The following XRCC4 variants were observed in gnomAD, a reference collection of about 807,000 sequenced individuals.
XRCC4 encodes the protein X-ray repair cross complementing 4.
XRCC4 carries 28 observed loss-of-function variants against 39.1 expected under a neutral mutation model. The ratio of observed to expected loss-of-function variants is 0.72; its 90% CI spans 0.53 to 0.98. The LOEUF (loss-of-function observed/expected upper bound fraction) is 0.98. Among genes scored for constraint, XRCC4 ranks in the 50% least tolerant of loss-of-function variants. The probability of loss-of-function intolerance (pLI) is 0.00; values close to 1 mark genes in which losing one functional copy is unlikely to be tolerated. For synonymous variants in XRCC4, 123 were observed against 126.4 expected (o/e 0.97, Z 0.18); for missense variants, 350 against 376.4 (o/e 0.93, Z 0.58).
intron 6 of XRCC4, among the ~76,000 whole-genome samples, chr5:83,220,477 G>A (rs1439043520): frequency 6.6e-6 from 1 of 152,118 alleles, no homozygotes; most frequent in Non-Finnish European, 1.5e-5. Context: ...CAATGATGAG[G>A]TTCTGGAATG....
chr5:83,123,467 T>C (rs1747108929), intron 3 of XRCC4, among the ~76,000 whole-genome samples: 1 of 152,010 alleles, frequency 6.6e-6, no homozygotes, highest in African/African-American at 2.4e-5. Context: ...TGGGTGTTGT[T>C]TTTTTAATCC....
At chr5:83,083,050 G>C (rs938496259) in intron 1 of XRCC4, among the ~76,000 whole-genome samples, 2 of 152,026 alleles carry the variant, frequency 1.3e-5, no homozygotes, top group Non-Finnish European at 2.9e-5. Context: ...TTGTTCAAAT[G>C]TCACCTTTGC....
chr5:83,216,786 C>T (rs920540840), intron 6 of XRCC4, among the ~76,000 whole-genome samples: 1 of 151,866 alleles, frequency 6.6e-6, no homozygotes, highest in African/African-American at 2.4e-5. Flanking sequence ...TACTGAAAAC[C>T]GATTAAATGT....
intron 3 of XRCC4, among the ~76,000 whole-genome samples, chr5:83,169,290 T>G (rs1749621999): frequency 6.6e-6 from 1 of 152,206 alleles, no homozygotes; most frequent in Non-Finnish European, 1.5e-5. Flanking sequence ...TCTTACTAAA[T>G]TTAAAGGAAG....
At chr5:83,173,127 C>A (rs1004725986) in intron 3 of XRCC4, among the ~76,000 whole-genome samples, 1 of 152,110 alleles carries the variant, frequency 6.6e-6, no homozygotes, top group African/African-American at 2.4e-5. Flanking sequence ...CTTTCTCTTG[C>A]ATTACCTAGA....
intron 7 of XRCC4, among the ~76,000 whole-genome samples, chr5:83,274,558 A>G (rs1178248148): frequency 6.6e-6 from 1 of 152,214 alleles, no homozygotes; most frequent in Non-Finnish European, 1.5e-5. Flanking sequence ...ATAAACATGG[A>G]CACATTGTAA....
chr5:83,370,483 C>G, the XRCC4 span, among the ~76,000 whole-genome samples: 1 of 152,164 alleles, frequency 6.6e-6, no homozygotes, highest in African/African-American at 2.4e-5. Flanking sequence ...TTACTTATCT[C>G]TGAAAGACAC....
chr5:83,164,336 T>C lies in XRCC4; in HGVS notation c.316-31434T>C, dbSNP rs1749357382. On this transcript the variant is annotated intron_variant, in intron 3 of 7. Transcript: ENST00000396027. The stretch of plus-strand genomic sequence containing the variant: ...TTGTTATGCATCTTTTAAATAATAA[T>C]ATTTTCAATAAATCATTCCTTATAA... Among the ~76,000 whole-genome samples, 5 of 152,166 alleles carry C rather than the reference T, an allele frequency of 3.3e-5. No homozygotes were observed. In the South Asian group the frequency reaches 1.0e-3, roughly 31 times the overall value.
intron 3 of XRCC4, among the ~76,000 whole-genome samples, chr5:83,137,200 C>A (rs1019886350): frequency 6.6e-6 from 1 of 151,996 alleles, no homozygotes; most frequent in Non-Finnish European, 1.5e-5. Context: ...GATGATGGCA[C>A]GTAATTATAT....
chr5:83,109,550 C>CCA (rs546389660), intron 2 of XRCC4, among the ~76,000 whole-genome samples: 25 of 151,890 alleles, frequency 1.6e-4, no homozygotes, highest in Non-Finnish European at 3.1e-4. Context: ...AACCATCCAA[C>CCA]CACACACACA....
At chr5:83,313,615 C>T (rs949958538) in intron 7 of XRCC4, among the ~76,000 whole-genome samples, 1 of 152,088 alleles carries the variant, frequency 6.6e-6, no homozygotes, top group Admixed American at 6.5e-5. Context: ...AACACTAACT[C>T]TGCTCCAGCC....
intron 3 of XRCC4, among the ~76,000 whole-genome samples, chr5:83,137,377 C>T (rs1163488978): frequency 6.6e-6 from 1 of 152,138 alleles, no homozygotes; most frequent in East Asian, 1.9e-4. Flanking sequence ...GTTGTGTTCA[C>T]ACCCTCCAAA....
chr5:83,280,353 C>A (rs1440935038), intron 7 of XRCC4: 2 of 479,830 alleles, frequency 4.2e-6, no homozygotes, highest in Non-Finnish European at 7.8e-6. Flanking sequence ...CTAGATCATG[C>A]ATTTCCTTCA....
At chr5:83,081,939 A>G (rs1433573705) in intron 1 of XRCC4, among the ~76,000 whole-genome samples, 10 of 152,184 alleles carry the variant, frequency 6.6e-5, no homozygotes, top group Non-Finnish European at 1.2e-4. Context: ...TCTCATCTGA[A>G]TTGATGGCAA....
chr5:83,231,282 G>T (rs1752486516), intron 6 of XRCC4, among the ~76,000 whole-genome samples: 1 of 151,968 alleles, frequency 6.6e-6, no homozygotes, highest in Admixed American at 6.6e-5. Context: ...ATTACAGTAG[G>T]AATTTAAAGA....
At chr5:83,153,573 A>C (rs140023401) in intron 3 of XRCC4, among the ~76,000 whole-genome samples, 2 of 152,358 alleles carry the variant, frequency 1.3e-5, no homozygotes, top group African/African-American at 4.8e-5. Flanking sequence ...TATATTCAGC[A>C]TCATTAGCCA....
At position 83,111,064 on chromosome 5, in the gene XRCC4, T is replaced by C; in HGVS notation, c.176T>C (p.Met59Thr). 2 of 1,610,468 alleles carry C rather than the reference T, an allele frequency of 1.2e-6. No individual in the cohort carries two copies. Among genetic ancestry groups the C allele is most frequent in the Non-Finnish European group, 1.7e-6 (2 of 1,178,654 alleles). ...GAGATTTCCCAAGAAGCTGATGACA[T>C]GGCAATGGAAAAAGGGAAATATGTT... is the stretch of plus-strand genomic sequence containing the variant. ...ESEISQEADD[M>T]AMEKGKYVGE... The change falls in exon 3 of 8, where the codon ATG becomes ACG. Residue 59 changes from methionine to threonine, a missense_variant. By Grantham distance (81) the Met-to-Thr change is moderately conservative. Coordinates refer to ENST00000396027, the MANE Select transcript of XRCC4 (RefSeq NM_003401.5).
intron 2 of XRCC4, among the ~76,000 whole-genome samples, chr5:83,108,840 G>C (rs989631053): frequency 2.1e-5 from 3 of 142,244 alleles, no homozygotes; most frequent in Admixed American, 7.0e-5. Context: ...TAAATAGGAA[G>C]CATTTATCTT....
intron 7 of XRCC4, among the ~76,000 whole-genome samples, chr5:83,350,772 A>C (rs1215567734): frequency 6.6e-6 from 1 of 152,140 alleles, no homozygotes; most frequent in Non-Finnish European, 1.5e-5. Flanking sequence ...CAGTTTAATT[A>C]GGTCCCTCTT....
Sources: allele counts gnomAD v4.1 joint callset (sites outside exome capture counted in the v4.1 genomes callset), GRCh38; gene constraint gnomAD v4.1.1; transcripts MANE v1.5; gene names NCBI Gene and HGNC (gene_info 2026-07-23, HGNC 2026-07-21).